Variants in HTT observed in about 807,000 individuals in gnomAD.
The protein encoded by HTT is huntington disease protein.
Under a neutral mutation model 362.3 loss-of-function variants are expected in HTT, and 104 were observed. That is an observed-to-expected ratio of 0.29 (90% CI 0.24 to 0.34). The LOEUF is 0.34. Ranked by LOEUF, HTT falls within the 10% of genes least tolerant of loss-of-function variation. The probability of loss-of-function intolerance (pLI) is 1.00; values close to 1 mark genes in which losing one functional copy is unlikely to be tolerated. For synonymous variants in HTT, 1,577 were observed against 1,548.7 expected, an observed-to-expected ratio of 1.02 and a Z score of -0.43; for missense variants, 3,301 against 3,928.6, an observed-to-expected ratio of 0.84 and a Z score of 4.27.
At chr4:3,099,206 C>T in intron 2 of HTT, 68 bp from the exon 3 acceptor site, 1 of 1,049,388 alleles carries the variant, frequency 9.5e-7, no homozygotes, top group Non-Finnish European at 1.5e-6. Flanking sequence ...ACACCGGATA[C>T]CTCATTACAT....
chr4:3,090,218 A>T (rs905001253), intron 2 of HTT, among the ~76,000 whole-genome samples: 1 of 152,246 alleles, frequency 6.6e-6, no homozygotes, highest in Non-Finnish European at 1.5e-5. Context: ...TTAAAACTTC[A>T]TGTATATTGT....
chr4:3,168,001 C>T (rs1223596247), intron 29 of HTT, among the ~76,000 whole-genome samples: 1 of 152,122 alleles, frequency 6.6e-6, no homozygotes, highest in Non-Finnish European at 1.5e-5. Flanking sequence ...GAAGCCTCAC[C>T]TGCTTAATTG....
intron 51 of HTT, among the ~76,000 whole-genome samples, chr4:3,216,272 C>G (rs1720394073): frequency 6.6e-6 from 1 of 152,212 alleles, no homozygotes; most frequent in Non-Finnish European, 1.5e-5. Flanking sequence ...GAATTTGTAT[C>G]TCAAACCTCT....
chr4:3,177,325 C>T lies in HTT; in HGVS notation c.4408-7C>T, dbSNP rs1718285476. Reference sequence around the variant, plus strand: ...ATTGATGTGAAATTTTATTTTCCTTCCTGTAGGTGTTTATTGGCTTTGTAT... The same window carrying T: ...ATTGATGTGAAATTTTATTTTCCTTTCTGTAGGTGTTTATTGGCTTTGTAT... On this transcript the variant is annotated splice_region_variant and splice_polypyrimidine_tract_variant and intron_variant, in intron 33 of 66. Coordinates refer to ENST00000355072, the MANE Select transcript of HTT (RefSeq NM_001388492.1). The T allele has an allele frequency of 1.3e-6, 2 of 1,590,516 alleles. No homozygotes were observed. Among genetic ancestry groups the T allele is most frequent in the Non-Finnish European group, 1.7e-6 (2 of 1,164,504 alleles).
intron 59 of HTT, 28 bp downstream of exon 59, chr4:3,229,037 A>C (rs1721061571): frequency 6.2e-7 from 1 of 1,601,456 alleles, no homozygotes; most frequent in Non-Finnish European, 8.5e-7. Flanking sequence ...TTCCCCTCAC[A>C]CCTGCACGTG....
chr4:3,120,291 T>C (rs1463163064), intron 8 of HTT, among the ~76,000 whole-genome samples: 1 of 152,220 alleles, frequency 6.6e-6, no homozygotes, highest in Non-Finnish European at 1.5e-5. Context: ...ATGTGGGACA[T>C]ACTTACACTA....
At position 3,241,924 on chromosome 4, in the gene HTT, A is replaced by T. The variant is rs933978960; in HGVS notation, c.*1865A>T. Reference sequence around the variant, plus strand: ...GGAGGCCCTTAAGGGAAGCTACTGAATTATAACACGTAAGAAAATCACCAT... The same window carrying T: ...GGAGGCCCTTAAGGGAAGCTACTGATTTATAACACGTAAGAAAATCACCAT... On this transcript the variant is annotated 3_prime_UTR_variant, in exon 67 of 67. Transcript: ENST00000355072. 1 of 124,790 alleles carries T rather than the reference A, an allele frequency of 8.0e-6. No homozygotes were observed. Among genetic ancestry groups the T allele is most frequent in the Admixed American group, 8.8e-5 (1 of 11,410 alleles). The allele number at this position is 124,790 out of a possible 1,614,324, so 7.7% of individuals were successfully genotyped here.
intron 48 of HTT, 72 bp downstream of exon 48, chr4:3,212,214 A>G: frequency 8.6e-7 from 1 of 1,165,294 alleles, no homozygotes; most frequent in Non-Finnish European, 1.2e-6. Flanking sequence ...GCACCAAGTA[A>G]ATGTACAATA....
chr4:3,108,851 G>C (rs949102519), intron 6 of HTT, among the ~76,000 whole-genome samples: 5 of 151,906 alleles, frequency 3.3e-5, no homozygotes, highest in African/African-American at 1.2e-4. Context: ...TTTGAGACCA[G>C]CCTGGGCAAG....
chr4:3,169,458 T>C (rs1436771610), intron 29 of HTT, among the ~76,000 whole-genome samples: 1 of 152,252 alleles, frequency 6.6e-6, no homozygotes, highest in Non-Finnish European at 1.5e-5. Context: ...TTGATTGTTT[T>C]ATGTGTTTTC....
chr4:3,213,391 A>G (rs1301612506), intron 49 of HTT, among the ~76,000 whole-genome samples: 1 of 152,232 alleles, frequency 6.6e-6, no homozygotes, highest in Non-Finnish European at 1.5e-5. Flanking sequence ...TGATTATATT[A>G]TGTGCCTGCT....
intron 42 of HTT, among the ~76,000 whole-genome samples, chr4:3,205,651 T>C (rs1231594813): frequency 1.3e-5 from 2 of 152,194 alleles, no homozygotes; most frequent in Non-Finnish European, 2.9e-5. Flanking sequence ...AAAGGAAATG[T>C]TCATTGGAAG....
Position 3,241,014 on chromosome 4 carries a change from G to GC in HTT, c.*958dup, listed in dbSNP as rs1374383062. On this transcript the variant is annotated 3_prime_UTR_variant, in exon 67 of 67. Coordinates refer to ENST00000355072, the MANE Select transcript of HTT (RefSeq NM_001388492.1). The stretch of plus-strand genomic sequence containing the variant: ...CCCTGTCACTCAGCTGAGAAGGCCA[G>GC]CCCTCCCTGGCTGTGAGCAGCCTCC... 4 of 152,382 alleles carry GC rather than the reference G, an allele frequency of 2.6e-5. No homozygotes were observed. The highest frequency in any genetic ancestry group is 4.8e-5 in the African/African-American group (2 of 41,454). 9.4% of individuals were successfully genotyped at this position (152,382 alleles called of 1,614,324 possible). A position where few individuals can be genotyped will look rare whatever the true frequency, so the allele number is the denominator to read the frequency against.
rs577698344 is a variant in HTT at position 3,223,296 on chromosome 4, A to G, written c.7471-110A>G. On this transcript the variant is annotated intron_variant, in intron 54 of 66. Coordinates refer to ENST00000355072, the MANE Select transcript of HTT (RefSeq NM_001388492.1). Reference sequence around the variant, plus strand: ...AGCCTGACAGAAATCCTTTGGTAGCACTTAAGGCTCCTCTTCCTCCCATTG... The same window carrying G: ...AGCCTGACAGAAATCCTTTGGTAGCGCTTAAGGCTCCTCTTCCTCCCATTG... The G allele has an allele frequency of 5.4e-4, 580 of 1,084,074 alleles. 2 individuals carry two copies. Among genetic ancestry groups the G allele is most frequent in the Non-Finnish European group, 3.3e-4 (254 of 773,978 alleles). 67.2% of individuals were successfully genotyped at this position (1,084,074 alleles called of 1,614,324 possible).
intron 40 of HTT, among the ~76,000 whole-genome samples, chr4:3,191,561 C>T (rs944037450): frequency 2.6e-5 from 4 of 152,202 alleles, no homozygotes; most frequent in Non-Finnish European, 4.4e-5. Flanking sequence ...AAAATGTCTT[C>T]GGTTCTGATG....
At chr4:3,117,106 G>T (rs1715068165) in intron 8 of HTT, among the ~76,000 whole-genome samples, 1 of 152,222 alleles carries the variant, frequency 6.6e-6, no homozygotes, top group African/African-American at 2.4e-5. Flanking sequence ...CCATGTAAGT[G>T]CTGCGTGTTG....
intron 3 of HTT, among the ~76,000 whole-genome samples, chr4:3,102,934 C>A (rs1214649705): frequency 6.6e-6 from 1 of 152,126 alleles, no homozygotes; most frequent in African/African-American, 2.4e-5. Flanking sequence ...TGTGGGGCCC[C>A]AGCTGGCAGC....
intron 51 of HTT, among the ~76,000 whole-genome samples, chr4:3,217,459 G>C (rs893087776): frequency 6.6e-6 from 1 of 152,242 alleles, no homozygotes. Flanking sequence ...AGGCTGAGGA[G>C]CCACAGGATG....
intron 12 of HTT, among the ~76,000 whole-genome samples, chr4:3,127,934 A>G (rs557260247): frequency 3.9e-5 from 6 of 151,944 alleles, no homozygotes; most frequent in African/African-American, 1.4e-4. Flanking sequence ...ACTGCACTCC[A>G]GCCCGGGCAA....
Sources: allele counts gnomAD v4.1 joint callset (sites outside exome capture counted in the v4.1 genomes callset), GRCh38; gene constraint gnomAD v4.1.1; transcripts MANE v1.5; gene names NCBI Gene and HGNC (gene_info 2026-07-23, HGNC 2026-07-21).